The following SPAG17 variants were observed in gnomAD, a reference collection of about 807,000 sequenced individuals.
The protein encoded by SPAG17 is sperm associated antigen 17, also known as sperm-associated antigen 17.
In SPAG17, 169 loss-of-function variants were observed where a neutral mutation model predicts 273.6. The observed-to-expected ratio is 0.62, with a 90% CI of 0.55 to 0.70. SPAG17 has a LOEUF of 0.70. Among genes scored for constraint, SPAG17 ranks in the 30% least tolerant of loss-of-function variants. SPAG17 has a pLI of 0.00. For missense variants in SPAG17, 2,557 were observed against 2,627.8 expected (o/e 0.97, Z 0.59); for synonymous variants, 825 against 873.2 (o/e 0.94, Z 0.97).
chr1:118,094,023 G>C (rs2102198861), intron 7 of SPAG17, among the ~76,000 whole-genome samples: 1 of 152,276 alleles, frequency 6.6e-6, no homozygotes, highest in Admixed American at 6.5e-5. Context: ...TGGAAGCAAA[G>C]AAGAATGAAA....
In SPAG17 at chr1:117,991,550, C is replaced by T. The variant is rs764758944; in HGVS notation, c.5362-22G>A. The T allele has an allele frequency of 3.5e-6, 5 of 1,442,202 alleles. No individual in the cohort carries two copies. In the Admixed American group the frequency reaches 7.4e-5, roughly 21 times the overall value. 89.3% of individuals were successfully genotyped at this position (1,442,202 alleles called of 1,614,324 possible). On this transcript the variant is annotated intron_variant, in intron 36 of 48. Transcript: ENST00000336338. ...AATCCTAAATCAGCAGAATAAAATACATAGACAAAAACTAGGAATTAGGAA... is the reference window on the plus strand; with the variant it reads ...AATCCTAAATCAGCAGAATAAAATATATAGACAAAAACTAGGAATTAGGAA...
chr1:118,063,042 T>C (rs1652517971), intron 18 of SPAG17, among the ~76,000 whole-genome samples: 1 of 152,164 alleles, frequency 6.6e-6, no homozygotes, highest in South Asian at 2.1e-4. Context: ...GTGAAGGACC[T>C]CTTCAAGGAG....
At chr1:118,151,402 T>A in intron 1 of SPAG17, 33 bp from the exon 2 acceptor site, 1 of 1,578,910 alleles carries the variant, frequency 6.3e-7, no homozygotes, top group Non-Finnish European at 8.7e-7. Context: ...AGATTTTAAA[T>A]ATTCCTGAAT....
At chr1:118,110,127 C>T (rs1357737633) in intron 4 of SPAG17, among the ~76,000 whole-genome samples, 3 of 152,030 alleles carry the variant, frequency 2.0e-5, no homozygotes, top group Non-Finnish European at 2.9e-5. Context: ...ATGGAGACTT[C>T]TATACTGCAA....
At chr1:117,990,801 T>C in intron 38 of SPAG17, 60 bp downstream of exon 38, 1 of 1,130,982 alleles carries the variant, frequency 8.8e-7, no homozygotes, top group Non-Finnish European at 1.3e-6. Flanking sequence ...ATAAGTGTAT[T>C]TAAGATGATT....
At chr1:118,049,919 C>A (rs966955175) in intron 20 of SPAG17, among the ~76,000 whole-genome samples, 1 of 152,108 alleles carries the variant, frequency 6.6e-6, no homozygotes, top group Admixed American at 6.5e-5. Context: ...AGGCATCTCC[C>A]AATAGATGGA....
At chr1:117,982,473 C>T (rs1050949849) in intron 42 of SPAG17, among the ~76,000 whole-genome samples, 4 of 152,160 alleles carry the variant, frequency 2.6e-5, no homozygotes, top group African/African-American at 9.6e-5. Flanking sequence ...GATCTCCTGA[C>T]CTCGTGATCC....
At chr1:118,081,870 C>T (rs1457945788) in intron 13 of SPAG17, among the ~76,000 whole-genome samples, 1 of 152,196 alleles carries the variant, frequency 6.6e-6, no homozygotes, top group South Asian at 2.1e-4. Context: ...AATTATAATG[C>T]TCCCAAACTG....
intron 36 of SPAG17, 96 bp from the exon 37 acceptor site, chr1:117,991,624 A>T (rs1169958936): frequency 1.4e-6 from 1 of 725,398 alleles, no homozygotes; most frequent in African/African-American, 1.8e-5. Context: ...CAAAAAATGA[A>T]GAATATATAG....
Position 118,101,762 on chromosome 1 carries a change from G to A in SPAG17, c.612C>T (p.Asp204=), listed in dbSNP as rs149163778. The change falls in exon 5 of 49, where the codon GAC becomes GAT. Residue 204 remains aspartate (D), a synonymous_variant. Transcript: ENST00000336338. ...GACCAATGTAACGATTGGTGTGGTC[G>A]TCTTCTCCTCTCCGCTTTAACTGGG... ...KTTQLKRRGE[D]DHTNRYIDDE... is the part of the protein sequence containing the mutation. 1.3e-5 allele frequency: 21 copies of A among 1,613,754 alleles called. No individual in the cohort carries two copies. Among genetic ancestry groups the A allele is most frequent in the Middle Eastern group, 1.7e-4 (1 of 5,974 alleles).
chr1:118,171,664 CAA>C (rs1660424273), intron 1 of SPAG17, among the ~76,000 whole-genome samples: 1 of 152,120 alleles, frequency 6.6e-6, no homozygotes, highest in Non-Finnish European at 1.5e-5. Context: ...ACTTTAATAT[CAA>C]GTTTAAGTAT....
At chr1:118,161,830 C>A (rs1413251017) in intron 1 of SPAG17, among the ~76,000 whole-genome samples, 2 of 152,152 alleles carry the variant, frequency 1.3e-5, no homozygotes, top group African/African-American at 4.8e-5. Flanking sequence ...CCACGGCGTC[C>A]GGCCAGGGAA....
chr1:118,123,181 C>A (rs1214680550), intron 3 of SPAG17, among the ~76,000 whole-genome samples: 1 of 152,202 alleles, frequency 6.6e-6, no homozygotes, highest in Non-Finnish European at 1.5e-5. Flanking sequence ...CCTGTTCCCT[C>A]TGCTCCCTTC....
In SPAG17 at chr1:118,086,998, GT is replaced by G. The variant is rs1655047569; in HGVS notation, c.1369del (p.Thr457LeufsTer20). Reference protein sequence around the residue: ...LHCMLEQVVATEEDLVPPSLR... With the variant: ...LHCMLEQVVAXEEDLVPPSLR... ...ACTGGGTGGGACGAGATCTTCTTCA[GT>G]TGCAACAACCTGTTGAAATCAACAA... is the stretch of plus-strand genomic sequence containing the variant. On this transcript the variant is annotated frameshift_variant, in exon 11 of 49. Coordinates refer to ENST00000336338, the MANE Select transcript of SPAG17 (RefSeq NM_206996.4). LOFTEE classifies it high-confidence loss of function. The G allele has an allele frequency of 1.3e-6, 2 of 1,565,340 alleles. No individual in the cohort carries two copies. The highest frequency in any genetic ancestry group is 1.7e-6 in the Non-Finnish European group (2 of 1,159,782).
chr1:118,064,152 T>G (rs1652678538), intron 18 of SPAG17, among the ~76,000 whole-genome samples: 1 of 152,174 alleles, frequency 6.6e-6, no homozygotes, highest in African/African-American at 2.4e-5. Context: ...TGTAAACTAG[T>G]TCAACCATTG....
intron 8 of SPAG17, 122 bp downstream of exon 8, chr1:118,093,034 G>C (rs1156930438): frequency 9.7e-7 from 1 of 1,030,546 alleles, no homozygotes; most frequent in Non-Finnish European, 1.4e-6. Flanking sequence ...TTTTATGCCA[G>C]TAGGCAGTAT....
chr1:118,035,006 T>C (rs1648913766), intron 24 of SPAG17, among the ~76,000 whole-genome samples: 1 of 152,174 alleles, frequency 6.6e-6, no homozygotes, highest in African/African-American at 2.4e-5. Flanking sequence ...AAAAGGATAC[T>C]AAATTATGTT....
chr1:117,960,389 A>G (rs1230045675), intron 48 of SPAG17: 2 of 152,162 alleles, frequency 1.3e-5, no homozygotes, highest in African/African-American at 4.8e-5. Context: ...AGAAAATCAT[A>G]AGGAAGAGAA....
intron 18 of SPAG17, among the ~76,000 whole-genome samples, chr1:118,063,742 C>A (rs1439322130): frequency 5.3e-5 from 8 of 152,206 alleles, no homozygotes; most frequent in East Asian, 1.9e-4. Flanking sequence ...AATGGGATCT[C>A]ATTAAACTAA....
Sources: allele counts gnomAD v4.1 joint callset (sites outside exome capture counted in the v4.1 genomes callset), GRCh38; gene constraint gnomAD v4.1.1; transcripts MANE v1.5; gene names NCBI Gene and HGNC (gene_info 2026-07-23, HGNC 2026-07-21).